PRR5L: variants seen among roughly 807,000 people sequenced by gnomAD.
PRR5L encodes proline-rich protein 5-like.
A neutral mutation model predicts 36.4 loss-of-function variants in PRR5L; 21 were observed. That is an observed-to-expected ratio of 0.58 (90% CI 0.41 to 0.83). PRR5L has a LOEUF of 0.83. Ranked by LOEUF, PRR5L falls within the 40% of genes least tolerant of loss-of-function variation. The probability of loss-of-function intolerance (pLI) is 0.00; values close to 1 mark genes in which losing one functional copy is unlikely to be tolerated. For synonymous variants in PRR5L, 188 were observed against 197.0 expected, an observed-to-expected ratio of 0.95 and a Z score of 0.38; for missense variants, 381 against 473.3, an observed-to-expected ratio of 0.80 and a Z score of 1.81.
Position 36,464,960 on chromosome 11 carries a change from A to G in PRR5L, c.*2224A>G, listed in dbSNP as rs1234884915. 1 of 152,186 alleles carries G rather than the reference A, an allele frequency of 6.6e-6. No homozygotes were observed. Among genetic ancestry groups the G allele is most frequent in the Non-Finnish European group, 1.5e-5 (1 of 68,028 alleles). The allele number at this position is 152,186 out of a possible 1,614,324, so 9.4% of individuals were successfully genotyped here. On this transcript the variant is annotated 3_prime_UTR_variant, in exon 9 of 9. Transcript: ENST00000530639. ...GATATTTGTGCAGTAAATAGACTGT[A>G]CCTATAAAAAATTTTATTGATGTTT...
rs549232225 is a variant in PRR5L at position 36,391,618 on chromosome 11, C to T, written c.-125-9379C>T. On this transcript the variant is annotated intron_variant, in intron 1 of 8. Transcript: ENST00000530639. ...TTAATGTAAATGGCATTGGTCCTTC[C>T]GAAAGAAATATGGACCAAAATTCTA... is the stretch of plus-strand genomic sequence containing the variant. 5.0e-4 allele frequency among the ~76,000 whole-genome samples: 76 copies of T among 152,158 alleles called. 1 individual carries two copies. The highest frequency in any genetic ancestry group is 1.6e-3 in the African/African-American group (67 of 41,516).
At chr11:36,402,259 T>C (rs777775305) in intron 2 of PRR5L, among the ~76,000 whole-genome samples, 39 of 152,342 alleles carry the variant, frequency 2.6e-4, no homozygotes, top group Non-Finnish European at 2.8e-4. Flanking sequence ...CTTTTTTCTT[T>C]TCTTGAGACA....
At chr11:36,370,650 C>T (rs532585292) in intron 1 of PRR5L, among the ~76,000 whole-genome samples, 12 of 152,166 alleles carry the variant, frequency 7.9e-5, no homozygotes, top group African/African-American at 2.6e-4. Flanking sequence ...GGGAGGCCAA[C>T]GCGGGCAAAT....
At chr11:36,342,577 G>A (rs1181911076) in intron 1 of PRR5L, among the ~76,000 whole-genome samples, 2 of 152,152 alleles carry the variant, frequency 1.3e-5, no homozygotes, top group South Asian at 2.1e-4. Context: ...GTACTTTCTG[G>A]TTCAATTTCT....
intron 1 of PRR5L, among the ~76,000 whole-genome samples, chr11:36,332,932 G>A (rs1012202002): frequency 1.3e-5 from 2 of 151,982 alleles, no homozygotes; most frequent in Non-Finnish European, 1.5e-5. Flanking sequence ...CCCAGTCTTG[G>A]GTGTTCCTTT....
chr11:36,386,670 G>A, intron 1 of PRR5L: 1 of 152,386 alleles, frequency 6.6e-6, no homozygotes, highest in Middle Eastern at 3.4e-3. Context: ...AGGAGTTCAG[G>A]CTCTGGAATC....
intron 1 of PRR5L, among the ~76,000 whole-genome samples, chr11:36,324,983 C>T (rs1020214185): frequency 2.6e-5 from 4 of 151,892 alleles, no homozygotes; most frequent in African/African-American, 9.7e-5. Flanking sequence ...ATGATGTTAC[C>T]AGGGGTCCTT....
chr11:36,297,220 C>A (rs554022366), intron 1 of PRR5L, among the ~76,000 whole-genome samples: 1 of 152,184 alleles, frequency 6.6e-6, no homozygotes, highest in South Asian at 2.1e-4. Flanking sequence ...CCCGCCCAGC[C>A]CTGCTGGTCT....
intron 1 of PRR5L, among the ~76,000 whole-genome samples, chr11:36,299,099 G>A (rs369636802): frequency 1.3e-5 from 2 of 152,206 alleles, no homozygotes; most frequent in South Asian, 4.1e-4. Flanking sequence ...TTCTCTGAAG[G>A]TAAATTTCCA....
chr11:36,374,329 G>A (rs984180353), intron 1 of PRR5L, among the ~76,000 whole-genome samples: 3 of 151,788 alleles, frequency 2.0e-5, no homozygotes, highest in Non-Finnish European at 4.4e-5. Flanking sequence ...TCCTGACCTC[G>A]TGATCTATCC....
chr11:36,437,778 G>A (rs898534159), intron 6 of PRR5L, among the ~76,000 whole-genome samples: 1 of 152,134 alleles, frequency 6.6e-6, no homozygotes, highest in African/African-American at 2.4e-5. Context: ...ACAGAAGATG[G>A]GGGAAGGGAG....
chr11:36,325,368 C>A (rs915458872), intron 1 of PRR5L, among the ~76,000 whole-genome samples: 3 of 152,338 alleles, frequency 2.0e-5, no homozygotes, highest in Middle Eastern at 3.4e-3. Flanking sequence ...CGGTAGCAAA[C>A]GGCAGTGGTG....
intron 1 of PRR5L, among the ~76,000 whole-genome samples, chr11:36,367,138 C>A (rs1250607479): frequency 2.0e-5 from 3 of 152,036 alleles, no homozygotes; most frequent in African/African-American, 7.2e-5. Context: ...TTTCCATATT[C>A]TCAGACCACT....
intron 5 of PRR5L, among the ~76,000 whole-genome samples, chr11:36,433,462 G>C (rs958557035): frequency 6.6e-6 from 1 of 152,158 alleles, no homozygotes; most frequent in African/African-American, 2.4e-5. Context: ...TCCATTTTAT[G>C]TGTATGCTAC....
intron 1 of PRR5L, among the ~76,000 whole-genome samples, chr11:36,368,357 C>T (rs1026074827): frequency 1.3e-5 from 2 of 151,542 alleles, no homozygotes; most frequent in African/African-American, 4.9e-5. Context: ...GGAAGTGGCA[C>T]AAAAAAACAA....
In PRR5L at chr11:36,377,372, T is replaced by A. The variant is rs962124119; in HGVS notation, c.-125-23625T>A. ...GCGCTGGGAGTCCGCAGTATCCCCC[T>A]TCCGTTTTATTTCTCCCGCCTGCCT... is the stretch of plus-strand genomic sequence containing the variant. On this transcript the variant is annotated intron_variant, in intron 1 of 8. Transcript: ENST00000530639. This position sits in a 1 kb window ranked among gnomAD's most constrained non-coding sequence, Gnocchi z 5.1. The A allele has an allele frequency of 3.3e-5, 5 of 152,216 alleles. No homozygotes were observed. The highest frequency in any genetic ancestry group is 1.2e-4 in the African/African-American group (5 of 41,466). 9.4% of individuals were successfully genotyped at this position (152,216 alleles called of 1,614,324 possible).
chr11:36,313,798 G>A (rs1856528383), intron 1 of PRR5L, among the ~76,000 whole-genome samples: 1 of 152,168 alleles, frequency 6.6e-6, no homozygotes, highest in South Asian at 2.1e-4. Flanking sequence ...GTCAACTCAG[G>A]AACTAGAGGT....
chr11:36,313,470 G>A (rs1413784031), intron 1 of PRR5L, among the ~76,000 whole-genome samples: 1 of 152,130 alleles, frequency 6.6e-6, no homozygotes, highest in East Asian at 1.9e-4. Flanking sequence ...TTTTGTCCTG[G>A]TCCCTGCGTT....
intron 1 of PRR5L, among the ~76,000 whole-genome samples, chr11:36,391,061 C>G (rs1857554213): frequency 6.6e-6 from 1 of 152,216 alleles, no homozygotes; most frequent in African/African-American, 2.4e-5. Context: ...GAGGCCATCT[C>G]TCTTGTTTCC....
Sources: allele counts gnomAD v4.1 joint callset (sites outside exome capture counted in the v4.1 genomes callset), GRCh38; gene constraint gnomAD v4.1.1; non-coding constraint Gnocchi (gnomAD v3.1); transcripts MANE v1.5; gene names NCBI Gene and HGNC (gene_info 2026-07-23, HGNC 2026-07-21).